The following MED13 variants were observed in gnomAD, a reference collection of about 807,000 sequenced individuals.
The protein encoded by MED13 is mediator of RNA polymerase II transcription subunit 13.
In MED13, 23 loss-of-function variants were observed where a neutral mutation model predicts 225.2. The ratio of observed to expected loss-of-function variants is 0.10; its 90% CI spans 0.07 to 0.14. MED13 has a LOEUF of 0.14. MED13 is among the 10% of genes least tolerant of loss of function. MED13 has a pLI of 1.00. For synonymous variants in MED13, 942 were observed against 889.2 expected (o/e 1.06, Z -1.06); for missense variants, 2,197 against 2,594.5 (o/e 0.85, Z 3.33).
chr17:62,017,219 T>TAA (rs555881211), intron 8 of MED13, among the ~76,000 whole-genome samples: 5,592 of 84,050 alleles, frequency 0.067, 153 homozygotes, highest in African/African-American at 0.096. Context: ...ACTAAAATGC[T>TAA]AAAAAAAAAA....
intron 28 of MED13, 136 bp from the exon 29 acceptor site, chr17:61,947,153 T>C (rs915354335): frequency 1.9e-6 from 1 of 526,456 alleles, no homozygotes; most frequent in Non-Finnish European, 3.3e-6. Flanking sequence ...AAAGCCACTA[T>C]AAAAATGCTT....
At position 62,043,240 on chromosome 17, in the gene MED13, T is replaced by C. The variant is rs145710308; in HGVS notation, c.471-7632A>G. 5.1e-4 allele frequency among the ~76,000 whole-genome samples: 44 copies of C among 86,476 alleles called. No individual in the cohort carries two copies. The East Asian group carries it at 0.011, about 22-fold the overall frequency. The allele number at this position is 86,476 out of a possible 152,430, so 56.7% of individuals were successfully genotyped here. ...AGAAAACCTCAACAAGGAGGAAAAA[T>C]AGGAGAAGTCTTAGCATTTTTCTCA... On this transcript the variant is annotated intron_variant, in intron 3 of 29. Transcript: ENST00000397786.
At chr17:61,960,094 C>T (rs993266617) in intron 23 of MED13, among the ~76,000 whole-genome samples, 6 of 152,060 alleles carry the variant, frequency 3.9e-5, no homozygotes, top group African/African-American at 1.4e-4. Context: ...GTACAGCGTT[C>T]ACTAGCCTTG....
In MED13 at chr17:61,950,959, C is replaced by G. The variant is rs2079891430; in HGVS notation, c.6157G>C (p.Glu2053Gln). 6.2e-7 allele frequency: 1 copy of G among 1,613,638 alleles called. No homozygotes were observed. Among genetic ancestry groups the G allele is most frequent in the Non-Finnish European group, 8.5e-7 (1 of 1,179,812 alleles). Residue 2053 changes from glutamate to glutamine, a missense_variant, in exon 28 of 30, where the codon GAG becomes CAG. Physicochemically the swap from Glu to Gln is conservative, Grantham distance 29 (BLOSUM62 2). Coordinates refer to ENST00000397786, the MANE Select transcript of MED13 (RefSeq NM_005121.3). ...TGCTGAAGAATATTAGGTACTTCCT[C>G]ATGAGGTTCTGTTGATAGTAGCCGA... ...TDRLLSTEPH[E>Q]EVPNILQQPL...
Position 61,947,030 on chromosome 17 carries a change from C to G in MED13, c.6292-13G>C, listed in dbSNP as rs8080298. ...GGTGCAAAGAGGCCTAAGAAGGTAA[C>G]AGGTAATCAATCAGTCAGCCAAACA... On this transcript the variant is annotated splice_polypyrimidine_tract_variant and intron_variant, in intron 28 of 29. Coordinates refer to ENST00000397786, the MANE Select transcript of MED13 (RefSeq NM_005121.3). 29,642 of 1,594,446 alleles carry G rather than the reference C, an allele frequency of 0.019. 4,188 individuals are homozygous for G. The African/African-American group carries it at 0.33, about 18-fold the overall frequency.
At chr17:62,000,003 A>G (rs1202172843) in intron 9 of MED13, among the ~76,000 whole-genome samples, 1 of 152,166 alleles carries the variant, frequency 6.6e-6, no homozygotes, top group Non-Finnish European at 1.5e-5. Context: ...CCAGGAGTTC[A>G]AGGCTGCAGT....
rs548437143 is a variant in MED13, at chr17:62,027,222, G to A, written c.1283+2319C>T. Among the ~76,000 whole-genome samples, 15 of 152,262 alleles carry A rather than the reference G, an allele frequency of 9.9e-5. No individual in the cohort carries two copies. In the South Asian group the frequency reaches 2.7e-3, roughly 27 times the overall value. On this transcript the variant is annotated intron_variant, in intron 8 of 29. Coordinates refer to ENST00000397786, the MANE Select transcript of MED13 (RefSeq NM_005121.3). The stretch of plus-strand genomic sequence containing the variant: ...ACAGTTACCAAAACAGCATGGTACT[G>A]GTACTAAAACAGACACATAGACCAA...
At chr17:61,968,296 A>T (rs1174009814) in intron 17 of MED13, 38 bp from the exon 18 acceptor site, 14 of 1,362,832 alleles carry the variant, frequency 1.0e-5, no homozygotes, top group Non-Finnish European at 1.4e-5. Context: ...AACACTTAAA[A>T]ACAAGACATG....
intron 8 of MED13, among the ~76,000 whole-genome samples, chr17:62,027,508 G>A (rs939781213): frequency 6.6e-6 from 1 of 152,094 alleles, no homozygotes; most frequent in Admixed American, 6.5e-5. Flanking sequence ...TACCACTCTG[G>A]ACACAGAAAT....
intron 3 of MED13, among the ~76,000 whole-genome samples, chr17:62,045,449 G>T (rs569950105): frequency 6.6e-6 from 1 of 152,044 alleles, no homozygotes; most frequent in South Asian, 2.1e-4. Flanking sequence ...ATTAGGCCCA[G>T]AAGTTTGTGG....
intron 26 of MED13, among the ~76,000 whole-genome samples, chr17:61,953,718 TG>T: frequency 6.6e-6 from 1 of 152,234 alleles, no homozygotes; most frequent in East Asian, 1.9e-4. Context: ...AAATGCGTGT[TG>T]TTTTAAGCCA....
At chr17:61,986,288 T>C (rs1186350159) in intron 12 of MED13, among the ~76,000 whole-genome samples, 1 of 152,134 alleles carries the variant, frequency 6.6e-6, no homozygotes, top group Non-Finnish European at 1.5e-5. Context: ...GAGATATATA[T>C]GTTGAGAGAG....
chr17:62,018,560 A>G (rs768230358), intron 8 of MED13, among the ~76,000 whole-genome samples: 1 of 152,094 alleles, frequency 6.6e-6, no homozygotes, highest in African/African-American at 2.4e-5. Flanking sequence ...CACACACACA[A>G]AAAGTTAGCT....
In MED13 at chr17:62,058,306, G is replaced by C. The variant is rs529395099; in HGVS notation, c.301+4761C>G. ...AGGCGGGCAGATCACCTGAGGCCAGGAGTTCCAGACCAGCCTGGCCAACAT... is the reference window on the plus strand; with the variant it reads ...AGGCGGGCAGATCACCTGAGGCCAGCAGTTCCAGACCAGCCTGGCCAACAT... On this transcript the variant is annotated intron_variant, in intron 2 of 29. Transcript: ENST00000397786. Among the ~76,000 whole-genome samples, 5 of 152,226 alleles carry C rather than the reference G, an allele frequency of 3.3e-5. No individual in the cohort carries two copies. In the South Asian group the frequency reaches 8.3e-4, roughly 25 times the overall value.
intron 8 of MED13, among the ~76,000 whole-genome samples, chr17:62,025,700 C>CA (rs1262432253): frequency 2.6e-5 from 4 of 152,302 alleles, no homozygotes; most frequent in South Asian, 2.1e-4. Flanking sequence ...ACAGGCCATA[C>CA]AAAACAGGCA....
In MED13 at chr17:62,010,758, G is replaced by C. The variant is rs1184496303; in HGVS notation, c.1759C>G (p.Pro587Ala). 1 of 1,613,938 alleles carries C rather than the reference G, an allele frequency of 6.2e-7. No homozygotes were observed. Among genetic ancestry groups the C allele is most frequent in the Non-Finnish European group, 8.5e-7 (1 of 1,179,978 alleles). The change falls in exon 9 of 30, where the codon CCA becomes GCA. Residue 587 changes from proline (P) to alanine (A), a missense_variant. Physicochemically the swap from Pro to Ala is conservative, Grantham distance 27. Coordinates refer to ENST00000397786, the MANE Select transcript of MED13 (RefSeq NM_005121.3). Reference sequence around the variant, plus strand: ...TCTACAGCTTCCTGATATTGAGGTGGGAAAGACTGGGACAAACTGTCTATC... The same window carrying C: ...TCTACAGCTTCCTGATATTGAGGTGCGAAAGACTGGGACAAACTGTCTATC... Reference protein sequence around the residue: ...DRIDSLSQSFPPQYQEAVEPT... With the variant: ...DRIDSLSQSFAPQYQEAVEPT...
At chr17:62,057,365 GTATGT>G (rs149382723) in intron 2 of MED13, among the ~76,000 whole-genome samples, 45 of 152,148 alleles carry the variant, frequency 3.0e-4, no homozygotes, top group African/African-American at 1.0e-3. Flanking sequence ...AAACAGCCTA[GTATGT>G]TATGTTTGGC....
At chr17:62,032,480 A>G (rs979594893) in intron 5 of MED13, 10 of 122,912 alleles carry the variant, frequency 8.1e-5, no homozygotes, top group Middle Eastern at 4.0e-3. Flanking sequence ...CCGTCTCAGG[A>G]AAAAAAAAAA....
intron 17 of MED13, 53 bp from the exon 18 acceptor site, chr17:61,968,311 C>CT: frequency 8.4e-7 from 1 of 1,194,286 alleles, no homozygotes; most frequent in Non-Finnish European, 1.1e-6. Flanking sequence ...GACATGTCTC[C>CT]TTTTTATTTA....
Sources: gnomAD v4.1 joint callset for allele counts (sites outside exome capture counted in the v4.1 genomes callset) on GRCh38, gnomAD v4.1.1 for gene constraint, MANE v1.5 for transcripts, NCBI Gene and HGNC (gene_info 2026-07-23, HGNC 2026-07-21) for gene names.